FRAS1: variants seen among roughly 807,000 people sequenced by gnomAD.
The protein encoded by FRAS1 is extracellular matrix organizing protein FRAS1.
Under a neutral mutation model 435.2 loss-of-function variants are expected in FRAS1, and 290 were observed. The ratio of observed to expected loss-of-function variants is 0.67; its 90% confidence interval spans 0.61 to 0.73. FRAS1 has a LOEUF of 0.73. Among genes scored for constraint, FRAS1 ranks in the 30% least tolerant of loss-of-function variants. The pLI is 0.00. For missense variants in FRAS1, 4,860 were observed against 5,001.5 expected (o/e 0.97, Z 0.85); for synonymous variants, 1,800 against 1,851.0 (o/e 0.97, Z 0.71).
intron 2 of FRAS1, among the ~76,000 whole-genome samples, chr4:78,151,019 TC>T (rs1427314666): frequency 1.3e-5 from 2 of 152,164 alleles, no homozygotes; most frequent in Non-Finnish European, 2.9e-5. Context: ...TCTAGGGGAT[TC>T]CACTGAGTCT....
intron 2 of FRAS1, among the ~76,000 whole-genome samples, chr4:78,140,805 G>A (rs1424365035): frequency 6.6e-6 from 1 of 151,530 alleles, no homozygotes; most frequent in Non-Finnish European, 1.5e-5. Flanking sequence ...TATATATGAT[G>A]GAATACTACT....
At position 78,445,581 on chromosome 4, in the gene FRAS1, G is replaced by T; in HGVS notation, c.5725G>T (p.Val1909Phe). The change falls in exon 42 of 74, where the codon GTC becomes TTC. Residue 1909 changes from valine to phenylalanine, a missense_variant. Physicochemically the swap from Val to Phe is conservative, Grantham distance 50. Coordinates refer to ENST00000512123, the MANE Select transcript of FRAS1 (RefSeq NM_025074.7). ...DLEASFPIQD[V>F]LENYIYYFQS... ...AGAGGCATCATTTCCTATTCAAGAC[G>T]TCCTGGAAAACTACATTTACTACTT... The T allele has an allele frequency of 1.9e-6, 3 of 1,612,794 alleles. No individual in the cohort carries two copies. The highest frequency in any genetic ancestry group is 1.1e-5 in the South Asian group (1 of 90,806).
intron 2 of FRAS1, among the ~76,000 whole-genome samples, chr4:78,149,204 A>G (rs1720543872): frequency 6.6e-6 from 1 of 152,184 alleles, no homozygotes; most frequent in South Asian, 2.1e-4. Context: ...AGTGAGTGCC[A>G]TGTTTTGGTT....
chr4:78,533,137 A>G (rs574816163), intron 70 of FRAS1, among the ~76,000 whole-genome samples: 1 of 152,312 alleles, frequency 6.6e-6, no homozygotes, highest in East Asian at 1.9e-4. Flanking sequence ...TCCTTCTAGC[A>G]TTACCCTTTC....
chr4:78,082,397 G>A (rs1281995494), intron 2 of FRAS1, among the ~76,000 whole-genome samples: 2 of 152,084 alleles, frequency 1.3e-5, no homozygotes, highest in Non-Finnish European at 2.9e-5. Context: ...AATGTTTCCT[G>A]TGAACATAAA....
intron 71 of FRAS1, among the ~76,000 whole-genome samples, chr4:78,535,127 T>G (rs1157446247): frequency 6.6e-6 from 1 of 152,192 alleles, no homozygotes; most frequent in Non-Finnish European, 1.5e-5. Flanking sequence ...GGGTTTCCTT[T>G]GCATCAGCCT....
chr4:78,503,416 T>C (rs902287038), intron 61 of FRAS1, among the ~76,000 whole-genome samples: 1 of 152,358 alleles, frequency 6.6e-6, no homozygotes, highest in African/African-American at 2.4e-5. Context: ...GTTCAGAGAT[T>C]CAACTTCTTC....
intron 53 of FRAS1, among the ~76,000 whole-genome samples, 159 bp downstream of exon 53, chr4:78,473,756 G>A (rs1200733744): frequency 2.0e-5 from 3 of 151,784 alleles, no homozygotes; most frequent in African/African-American, 7.3e-5. Flanking sequence ...TATTTATTGA[G>A]TACTGTATGT....
At chr4:78,245,179 G>C in intron 3 of FRAS1, 54 bp from the exon 4 acceptor site, 2 of 1,227,004 alleles carry the variant, frequency 1.6e-6, no homozygotes, top group Non-Finnish European at 2.4e-6. Context: ...ATGAACTATT[G>C]TGACTTGGTG....
chr4:78,518,450 A>ATATATATATATATT (rs1487744216), intron 66 of FRAS1, among the ~76,000 whole-genome samples: 98 of 69,302 alleles, frequency 1.4e-3, no homozygotes, highest in African/African-American at 3.6e-3. Flanking sequence ...ATATATATAT[A>ATATATATATATATT]TATTTATTTA....
intron 14 of FRAS1, among the ~76,000 whole-genome samples, chr4:78,305,647 G>C (rs1437928599): frequency 6.8e-6 from 1 of 147,742 alleles, no homozygotes; most frequent in Non-Finnish European, 1.5e-5. Flanking sequence ...GATGTTTGTT[G>C]GTTTAAAGTC....
Position 78,165,266 on chromosome 4 carries a change from A to G in FRAS1, c.109-72244A>G, listed in dbSNP as rs544255333. Among the ~76,000 whole-genome samples, 83 of 152,286 alleles carry G rather than the reference A, an allele frequency of 5.5e-4. 1 individual carries two copies. The highest frequency in any genetic ancestry group is 3.4e-3 in the Middle Eastern group (1 of 294). On this transcript the variant is annotated intron_variant, in intron 2 of 73. Coordinates refer to ENST00000512123, the MANE Select transcript of FRAS1 (RefSeq NM_025074.7). The stretch of plus-strand genomic sequence containing the variant: ...ACCTTGCCTTTTAAAATAGTGCCTT[A>G]CAGTGTGTTCCAAACAATCTAATCT...
chr4:78,434,959 T>G (rs1734358509), intron 38 of FRAS1, among the ~76,000 whole-genome samples: 1 of 149,276 alleles, frequency 6.7e-6, no homozygotes, highest in Admixed American at 6.6e-5. Flanking sequence ...ATCAGTTCCC[T>G]TACCAAACGA....
At chr4:78,169,887 T>A (rs1721480702) in intron 2 of FRAS1, among the ~76,000 whole-genome samples, 2 of 152,154 alleles carry the variant, frequency 1.3e-5, no homozygotes, top group Admixed American at 1.3e-4. Context: ...ATTTACTAAC[T>A]ATGCTCTTGA....
chr4:78,446,777 G>C lies in FRAS1; in HGVS notation c.5907G>C (p.Gln1969His). ...PRMTLQPLRV[Q>H]LSSGVVISNS... ...TGACCTTGCAGCCCCTCAGAGTGCA[G>C]CTGAGCTCGGGAGTGGTGATAAGCA... The change falls in exon 43 of 74, where the codon CAG (glutamine) becomes CAC (histidine). Residue 1969 changes from glutamine (Q) to histidine (H), a missense_variant. Gln to His is a conservative substitution (Grantham distance 24). Coordinates refer to ENST00000512123, the MANE Select transcript of FRAS1 (RefSeq NM_025074.7). 1 of 1,613,580 alleles carries C rather than the reference G, an allele frequency of 6.2e-7. No individual in the cohort carries two copies. The highest frequency in any genetic ancestry group is 8.5e-7 in the Non-Finnish European group (1 of 1,179,756).
intron 9 of FRAS1, among the ~76,000 whole-genome samples, chr4:78,275,587 T>G (rs1380805247): frequency 6.6e-6 from 1 of 152,222 alleles, no homozygotes; most frequent in Non-Finnish European, 1.5e-5. Flanking sequence ...TTAGTTTGGC[T>G]GGATATGAAA....
rs561829556 is a variant in FRAS1 at position 78,391,942 on chromosome 4, A to G, written c.3975+4241A>G. 1.3e-4 allele frequency among the ~76,000 whole-genome samples: 20 copies of G among 152,306 alleles called. No individual in the cohort carries two copies. In the South Asian group the frequency reaches 2.9e-3, roughly 22 times the overall value. ...GTCTATTTCTTATGAGTAAGAGCCT[A>G]TATCATAAATAACTAAATCCTTGCC... On this transcript the variant is annotated intron_variant, in intron 29 of 73. Coordinates refer to ENST00000512123, the MANE Select transcript of FRAS1 (RefSeq NM_025074.7).
chr4:78,497,259 T>C (rs934455208), intron 60 of FRAS1, among the ~76,000 whole-genome samples: 3 of 152,184 alleles, frequency 2.0e-5, no homozygotes, highest in Non-Finnish European at 4.4e-5. Context: ...TAAGTCACTG[T>C]AGTTCAGGAG....
chr4:78,473,717 G>T (rs952344160), intron 53 of FRAS1, 120 bp downstream of exon 53: 56 of 655,384 alleles, frequency 8.5e-5, no homozygotes, highest in Non-Finnish European at 1.3e-4. Flanking sequence ...GGTGATGATG[G>T]CAGTGATAAA....
Sources: gnomAD v4.1 joint callset for allele counts (sites outside exome capture counted in the v4.1 genomes callset) on GRCh38, gnomAD v4.1.1 for gene constraint, MANE v1.5 for transcripts, NCBI Gene and HGNC (gene_info 2026-07-23, HGNC 2026-07-21) for gene names.